The following LRP1B variants were observed in gnomAD, a reference collection of about 807,000 sequenced individuals.
LRP1B encodes the protein LDL receptor related protein 1B.
Under a neutral mutation model 556.6 loss-of-function variants are expected in LRP1B, and 217 were observed. That is an observed-to-expected ratio of 0.39 (90% CI 0.35 to 0.44). The LOEUF (loss-of-function observed/expected upper bound fraction) is 0.44. LRP1B is among the 20% of genes least tolerant of loss of function. The pLI, the probability that LRP1B is intolerant of heterozygous loss-of-function variation, is 1.00. For missense variants in LRP1B, 5,053 were observed against 5,620.8 expected (o/e 0.90, Z 3.23); for synonymous variants, 2,047 against 1,865.8 (o/e 1.10, Z -2.50).
intron 4 of LRP1B, among the ~76,000 whole-genome samples, chr2:141,252,313 TAAGAA>T (rs1362609603): frequency 2.0e-5 from 3 of 151,396 alleles, no homozygotes; most frequent in East Asian, 3.9e-4. Context: ...ATATCCAAAC[TAAGAA>T]AAGAGCTTAC....
At chr2:141,847,853 A>G (rs984284084) in intron 1 of LRP1B, among the ~76,000 whole-genome samples, 1 of 151,642 alleles carries the variant, frequency 6.6e-6, no homozygotes, top group Non-Finnish European at 1.5e-5. Flanking sequence ...CAATAGGGTA[A>G]AGTAACTGAT....
intron 41 of LRP1B, among the ~76,000 whole-genome samples, chr2:140,657,575 A>G (rs968756944): frequency 2.4e-4 from 12 of 49,176 alleles, no homozygotes; most frequent in Admixed American, 4.5e-4. Flanking sequence ...ACACATACAT[A>G]CATATATATA....
intron 3 of LRP1B, among the ~76,000 whole-genome samples, chr2:141,304,350 T>C (rs1686505135): frequency 6.6e-6 from 1 of 152,092 alleles, no homozygotes; most frequent in Non-Finnish European, 1.5e-5. Context: ...GATCAACGTA[T>C]TGAAGTCTTA....
intron 1 of LRP1B, among the ~76,000 whole-genome samples, chr2:141,945,935 T>G (rs1230088174): frequency 4.9e-5 from 3 of 61,080 alleles, no homozygotes; most frequent in African/African-American, 7.7e-5. Flanking sequence ...CAGCAGGATT[T>G]ATTTATTTAT....
intron 6 of LRP1B, among the ~76,000 whole-genome samples, chr2:141,225,225 A>G (rs770390080): frequency 1.3e-5 from 2 of 152,120 alleles, no homozygotes; most frequent in African/African-American, 4.8e-5. Context: ...GAGTGGCTCA[A>G]CAGAAGCTGG....
rs534037456 is a variant in LRP1B at position 141,207,939 on chromosome 2, G to A, written c.851-19356C>T. 3 of 152,396 alleles carry A rather than the reference G, an allele frequency of 2.0e-5. No homozygotes were observed. In the East Asian group the frequency reaches 5.8e-4, roughly 29 times the overall value. The allele number at this position is 152,396 out of a possible 1,614,324, so 9.4% of individuals were successfully genotyped here. A position where few individuals can be genotyped will look rare whatever the true frequency, so the allele number is the denominator to read the frequency against. On this transcript the variant is annotated intron_variant, in intron 6 of 90. Transcript: ENST00000389484. ...GATCCACCCACCTCAGTCTCCCAAAGTGCTAGGATTACAGGCGTGAGCCGC... is the reference window on the plus strand; with the variant it reads ...GATCCACCCACCTCAGTCTCCCAAAATGCTAGGATTACAGGCGTGAGCCGC...
At chr2:140,508,092 T>C (rs1159855393) in intron 52 of LRP1B, among the ~76,000 whole-genome samples, 1 of 152,168 alleles carries the variant, frequency 6.6e-6, no homozygotes, top group African/African-American at 2.4e-5. Context: ...AATTCAATAA[T>C]GCAAATAACA....
intron 22 of LRP1B, among the ~76,000 whole-genome samples, chr2:140,905,879 A>G (rs553343933): frequency 1.0e-3 from 152 of 152,254 alleles, no homozygotes; most frequent in African/African-American, 3.5e-3. Flanking sequence ...ACTCCATTTT[A>G]GAGTAATTAA....
At chr2:140,318,062 T>C in intron 82 of LRP1B, among the ~76,000 whole-genome samples, 1 of 152,228 alleles carries the variant, frequency 6.6e-6, no homozygotes, top group Middle Eastern at 3.4e-3. Flanking sequence ...TCAAATTTCT[T>C]ACACAAAGAT....
At chr2:141,197,356 T>C (rs1681798182) in intron 6 of LRP1B, among the ~76,000 whole-genome samples, 2 of 152,138 alleles carry the variant, frequency 1.3e-5, no homozygotes, top group South Asian at 4.1e-4. Context: ...TTATCTTAGA[T>C]TTTTACTTAC....
chr2:140,725,286 A>T (rs288102), intron 35 of LRP1B, among the ~76,000 whole-genome samples: 2 of 152,024 alleles, frequency 1.3e-5, no homozygotes, highest in African/African-American at 4.8e-5. Context: ...ACAATATTTT[A>T]TTCCTGTTCT....
chr2:141,412,385 T>C (rs758057705), intron 3 of LRP1B, among the ~76,000 whole-genome samples: 1 of 152,204 alleles, frequency 6.6e-6, no homozygotes, highest in African/African-American at 2.4e-5. Flanking sequence ...AAGAGCCTTA[T>C]GCGATAATTT....
At chr2:140,917,531 C>T (rs1013787236) in intron 21 of LRP1B, among the ~76,000 whole-genome samples, 2 of 151,988 alleles carry the variant, frequency 1.3e-5, no homozygotes, top group East Asian at 1.9e-4. Flanking sequence ...ACTACCAACC[C>T]GTGAAAAGGC....
chr2:140,434,258 C>T (rs1573934868), intron 66 of LRP1B, among the ~76,000 whole-genome samples: 1 of 151,878 alleles, frequency 6.6e-6, no homozygotes, highest in Non-Finnish European at 1.5e-5. Flanking sequence ...TTAGTACAGA[C>T]GGGGTTTCAC....
At chr2:142,016,012 A>AAAAAAAAAAG (rs1559023425) in intron 1 of LRP1B, among the ~76,000 whole-genome samples, 5 of 149,330 alleles carry the variant, frequency 3.3e-5, no homozygotes, top group African/African-American at 1.2e-4. Flanking sequence ...AAAAAAAAAA[A>AAAAAAAAAAG]GTGGGTGAAG....
chr2:140,287,008 C>T (rs1683178293), intron 84 of LRP1B, among the ~76,000 whole-genome samples: 1 of 151,600 alleles, frequency 6.6e-6, no homozygotes, highest in African/African-American at 2.4e-5. Context: ...TTATAGAATA[C>T]TGTTTGTTAG....
At chr2:140,789,098 T>C (rs1690015091) in intron 32 of LRP1B, among the ~76,000 whole-genome samples, 1 of 152,162 alleles carries the variant, frequency 6.6e-6, no homozygotes, top group African/African-American at 2.4e-5. Context: ...CCTAGGAGAC[T>C]AATATACTCC....
intron 3 of LRP1B, among the ~76,000 whole-genome samples, chr2:141,433,814 G>A (rs1680657789): frequency 6.6e-6 from 1 of 151,258 alleles, no homozygotes; most frequent in Non-Finnish European, 1.5e-5. Context: ...CATAAAATTA[G>A]GGAAGCTTTC....
In LRP1B at chr2:141,225,457, A is replaced by G. The variant is rs1396993272; in HGVS notation, c.850+3726T>C. The stretch of plus-strand genomic sequence containing the variant: ...AACAGATGGAATTCACCACTTTTGT[A>G]AATCCCATAATTTTTGTTATTTTGG... On this transcript the variant is annotated intron_variant, in intron 6 of 90. Transcript: ENST00000389484. 1.3e-5 allele frequency among the ~76,000 whole-genome samples: 2 copies of G among 152,160 alleles called. 1 individual carries two copies. The highest frequency in any genetic ancestry group is 4.8e-5 in the African/African-American group (2 of 41,438).
Sources: allele counts gnomAD v4.1 joint callset (sites outside exome capture counted in the v4.1 genomes callset), GRCh38; gene constraint gnomAD v4.1.1; transcripts MANE v1.5; gene names NCBI Gene and HGNC (gene_info 2026-07-23, HGNC 2026-07-21).